Variants in SGCD observed in about 807,000 individuals in gnomAD.
The protein encoded by SGCD is sarcoglycan delta, also known as delta-sarcoglycan.
In SGCD, 18 loss-of-function variants were observed where a neutral mutation model predicts 36.6. The ratio of observed to expected loss-of-function variants is 0.49; its 90% CI spans 0.34 to 0.73. The LOEUF is 0.73. Among genes scored for constraint, SGCD ranks in the 30% least tolerant of loss-of-function variants. SGCD has a pLI of 0.01. For synonymous variants in SGCD, 133 were observed against 130.6 expected (o/e 1.02, Z -0.12); for missense variants, 387 against 346.7 (o/e 1.12, Z -0.92).
At chr5:156,481,018 T>C (rs1307965996) in intron 3 of SGCD, among the ~76,000 whole-genome samples, 2 of 152,244 alleles carry the variant, frequency 1.3e-5, no homozygotes, top group Non-Finnish European at 2.9e-5. Flanking sequence ...ATCACAGTTT[T>C]GAACATATTT....
the SGCD span, among the ~76,000 whole-genome samples, chr5:155,825,221 A>C: frequency 2.9e-3 from 436 of 152,310 alleles, 2 homozygotes; most frequent in African/African-American, 9.3e-3. Flanking sequence ...TGAAGGTAAT[A>C]AGGAGGAAAA....
At chr5:156,422,601 G>A (rs1773365790) in intron 3 of SGCD, among the ~76,000 whole-genome samples, 1 of 152,010 alleles carries the variant, frequency 6.6e-6, no homozygotes, top group African/African-American at 2.4e-5. Context: ...CCACATTCAT[G>A]AATGTCATGG....
chr5:155,835,124 T>C, the SGCD span, among the ~76,000 whole-genome samples: 2 of 148,022 alleles, frequency 1.4e-5, no homozygotes, highest in Non-Finnish European at 3.0e-5. Flanking sequence ...TCTCCCTGCC[T>C]CAGCCTTCTG....
At chr5:156,239,168 G>A (rs1765238839) in intron 3 of SGCD, among the ~76,000 whole-genome samples, 2 of 152,094 alleles carry the variant, frequency 1.3e-5, no homozygotes. Flanking sequence ...GGGAGGCCGA[G>A]GTGGATGGAT....
intron 7 of SGCD, among the ~76,000 whole-genome samples, chr5:156,691,863 G>T (rs138240745): frequency 6.6e-6 from 1 of 152,144 alleles, no homozygotes; most frequent in Non-Finnish European, 1.5e-5. Flanking sequence ...ATGTATATTA[G>T]CACCAAGTTT....
intron 1 of SGCD, among the ~76,000 whole-genome samples, chr5:155,971,372 G>A (rs11743064): frequency 0.22 from 33,809 of 152,064 alleles, 4,633 homozygotes; most frequent in South Asian, 0.37. Flanking sequence ...CAGAGGAGGC[G>A]ACTAATGTTA....
At chr5:156,339,881 C>G (rs1421832313) in intron 2 of SGCD, among the ~76,000 whole-genome samples, 1 of 152,084 alleles carries the variant, frequency 6.6e-6, no homozygotes, top group Non-Finnish European at 1.5e-5. Context: ...TAATTAACTG[C>G]CTCACATACA....
At chr5:156,386,590 A>T (rs1483354743) in intron 3 of SGCD, among the ~76,000 whole-genome samples, 1 of 152,256 alleles carries the variant, frequency 6.6e-6, no homozygotes, top group Admixed American at 6.5e-5. Flanking sequence ...GGGTGCTAAT[A>T]GTCCCTTGCG....
At position 156,692,965 on chromosome 5, in the gene SGCD, T is replaced by G. The variant is rs1472193163; in HGVS notation, c.575+45429T>G. ...GTGCCAGACACTATACACAGCACAG[T>G]CACCTCCTTTTATCCTCCTCAGAGC... On this transcript the variant is annotated intron_variant, in intron 7 of 8. Coordinates refer to ENST00000337851, the MANE Select transcript of SGCD (RefSeq NM_000337.6). Among the ~76,000 whole-genome samples, 4 of 152,304 alleles carry G rather than the reference T, an allele frequency of 2.6e-5. No individual in the cohort carries two copies. The South Asian group carries it at 6.2e-4, about 24-fold the overall frequency.
At chr5:156,570,513 CT>C (rs1353242371) in intron 4 of SGCD, among the ~76,000 whole-genome samples, 2 of 152,022 alleles carry the variant, frequency 1.3e-5, no homozygotes, top group Non-Finnish European at 2.9e-5. Context: ...AGATACATAC[CT>C]AGTCATGATT....
intron 6 of SGCD, among the ~76,000 whole-genome samples, chr5:156,627,853 T>A (rs11743012): frequency 2.6e-5 from 4 of 152,112 alleles, no homozygotes; most frequent in African/African-American, 4.8e-5. Flanking sequence ...TGCTTGGTAA[T>A]GTTTATAATC....
At chr5:156,340,067 C>T (rs1213291191) in intron 2 of SGCD, among the ~76,000 whole-genome samples, 3 of 152,188 alleles carry the variant, frequency 2.0e-5, no homozygotes, top group Non-Finnish European at 4.4e-5. Flanking sequence ...CACAAAGTTA[C>T]ACATGGTATA....
At chr5:156,128,894 T>A (rs928636647) in intron 3 of SGCD, among the ~76,000 whole-genome samples, 7 of 152,222 alleles carry the variant, frequency 4.6e-5, no homozygotes, top group Non-Finnish European at 1.0e-4. Context: ...ATAAAAAGAC[T>A]GTCACACATA....
intron 4 of SGCD, among the ~76,000 whole-genome samples, chr5:156,555,671 C>G (rs1581163088): frequency 7.4e-6 from 1 of 135,442 alleles, no homozygotes; most frequent in South Asian, 2.3e-4. Flanking sequence ...CAAATTTGTT[C>G]TTTTTTTTTT....
At chr5:156,677,669 C>A (rs1753566770) in intron 7 of SGCD, among the ~76,000 whole-genome samples, 1 of 151,928 alleles carries the variant, frequency 6.6e-6, no homozygotes, top group South Asian at 2.1e-4. Flanking sequence ...CACATGTACC[C>A]TAGAACTTAA....
chr5:156,669,097 C>T (rs1446261782), intron 7 of SGCD, among the ~76,000 whole-genome samples: 1 of 152,090 alleles, frequency 6.6e-6, no homozygotes, highest in Non-Finnish European at 1.5e-5. Context: ...GTGAAGGCCT[C>T]TAGAGAGACA....
chr5:156,458,026 C>T (rs1052256506), intron 3 of SGCD, among the ~76,000 whole-genome samples: 12 of 152,110 alleles, frequency 7.9e-5, no homozygotes, highest in Admixed American at 2.0e-4. Context: ...ACTGTGCCAA[C>T]GCCCAAGTCT....
At chr5:155,938,739 A>T (rs1757265367) in intron 1 of SGCD, among the ~76,000 whole-genome samples, 1 of 152,240 alleles carries the variant, frequency 6.6e-6, no homozygotes, top group East Asian at 1.9e-4. Flanking sequence ...CAGACAGTGT[A>T]TTAAGTCCTT....
chr5:156,235,104 C>T (rs1765123120), intron 3 of SGCD, among the ~76,000 whole-genome samples: 2 of 152,166 alleles, frequency 1.3e-5, no homozygotes, highest in South Asian at 2.1e-4. Flanking sequence ...TTTCCCCCTT[C>T]CTTAACCTTT....
Sources: allele counts gnomAD v4.1 joint callset (sites outside exome capture counted in the v4.1 genomes callset), GRCh38; gene constraint gnomAD v4.1.1; transcripts MANE v1.5; gene names NCBI Gene and HGNC (gene_info 2026-07-23, HGNC 2026-07-21).